The following PPARGC1A variants were observed in gnomAD, a reference collection of about 807,000 sequenced individuals.
The protein encoded by PPARGC1A is peroxisome proliferator-activated receptor gamma coactivator 1-alpha.
In PPARGC1A, 25 loss-of-function variants were observed where a neutral mutation model predicts 88.7. The ratio of observed to expected loss-of-function variants is 0.28; its 90% CI spans 0.21 to 0.39. The LOEUF (loss-of-function observed/expected upper bound fraction) is 0.39, where lower values mean the gene tolerates loss of function less well. Ranked by LOEUF, PPARGC1A falls within the 10% of genes least tolerant of loss-of-function variation. The pLI, the probability that PPARGC1A is intolerant of heterozygous loss-of-function variation, is 1.00. For synonymous variants in PPARGC1A, 363 were observed against 355.6 expected (o/e 1.02, Z -0.24); for missense variants, 880 against 968.7 (o/e 0.91, Z 1.22).
the PPARGC1A span, among the ~76,000 whole-genome samples, chr4:24,326,528 C>G: frequency 6.6e-6 from 1 of 151,196 alleles, no homozygotes; most frequent in Non-Finnish European, 1.5e-5. Context: ...TTGGACTGAC[C>G]CTGACACCCA....
At chr4:24,089,621 G>C in the PPARGC1A span, among the ~76,000 whole-genome samples, 3 of 149,646 alleles carry the variant, frequency 2.0e-5, no homozygotes, top group South Asian at 6.3e-4. Context: ...CGCCATTCTC[G>C]TGTCTCAGCC....
the PPARGC1A span, among the ~76,000 whole-genome samples, chr4:24,441,666 T>G: frequency 1.5e-5 from 2 of 136,672 alleles, no homozygotes; most frequent in South Asian, 2.3e-4. Context: ...AAGAAGGAAA[T>G]AGGGAGGGAG....
chr4:24,388,927 C>T, the PPARGC1A span, among the ~76,000 whole-genome samples: 10 of 152,064 alleles, frequency 6.6e-5, no homozygotes, highest in South Asian at 4.2e-4. Context: ...ATGTAACAAA[C>T]GTGCACGTTC....
upstream of PPARGC1A, among the ~76,000 whole-genome samples, chr4:23,892,181 A>C (rs1334048787): frequency 6.6e-6 from 1 of 152,160 alleles, no homozygotes; most frequent in Non-Finnish European, 1.5e-5. Flanking sequence ...CCCAGATTGT[A>C]TTGTTAGGGT....
At chr4:23,968,846 A>G in the PPARGC1A span, among the ~76,000 whole-genome samples, 2 of 151,872 alleles carry the variant, frequency 1.3e-5, no homozygotes, top group Admixed American at 6.6e-5. Flanking sequence ...CGGGAAGTGG[A>G]GGTTGCAGTG....
At chr4:23,799,683 C>T (rs1718301674) in intron 12 of PPARGC1A, among the ~76,000 whole-genome samples, 1 of 152,138 alleles carries the variant, frequency 6.6e-6, no homozygotes, top group South Asian at 2.1e-4. Flanking sequence ...TCTATTGCTG[C>T]CGGCTAGGCA....
the PPARGC1A span, among the ~76,000 whole-genome samples, chr4:24,239,730 A>T: frequency 1.4e-4 from 21 of 152,190 alleles, no homozygotes; most frequent in African/African-American, 4.8e-4. Context: ...TGGTATGAAA[A>T]ATAAACCACT....
the PPARGC1A span, among the ~76,000 whole-genome samples, chr4:23,954,264 A>G: frequency 4.4e-4 from 67 of 152,232 alleles, no homozygotes; most frequent in South Asian, 1.2e-3. Flanking sequence ...GCAGTTTAGT[A>G]ATGCTAACTG....
the PPARGC1A span, among the ~76,000 whole-genome samples, chr4:24,319,075 G>A: frequency 3.3e-5 from 5 of 152,164 alleles, no homozygotes; most frequent in East Asian, 1.9e-4. Context: ...GGCTGAGTGC[G>A]GTGGCTTACG....
At chr4:23,882,452 A>T (rs1286779946) in intron 2 of PPARGC1A, among the ~76,000 whole-genome samples, 3 of 151,848 alleles carry the variant, frequency 2.0e-5, no homozygotes, top group Non-Finnish European at 4.4e-5. Flanking sequence ...TTGTGGTGGG[A>T]GCTGTCCTGT....
chr4:24,093,997 C>A, the PPARGC1A span, among the ~76,000 whole-genome samples: 3 of 152,080 alleles, frequency 2.0e-5, no homozygotes, highest in African/African-American at 7.3e-5. Context: ...AACCACATGC[C>A]CTTTTTTGTC....
the PPARGC1A span, among the ~76,000 whole-genome samples, chr4:24,015,158 G>A: frequency 6.6e-6 from 1 of 152,044 alleles, no homozygotes; most frequent in Non-Finnish European, 1.5e-5. Context: ...AACAGAAATA[G>A]ATGATATACA....
chr4:24,238,047 T>C, the PPARGC1A span, among the ~76,000 whole-genome samples: 5 of 152,156 alleles, frequency 3.3e-5, no homozygotes, highest in African/African-American at 1.2e-4. Flanking sequence ...GGTAACTTGA[T>C]AAAAGTCACA....
the PPARGC1A span, among the ~76,000 whole-genome samples, chr4:24,321,381 G>A: frequency 6.6e-6 from 1 of 152,120 alleles, no homozygotes; most frequent in African/African-American, 2.4e-5. Flanking sequence ...TAATGATGAA[G>A]CTGGCAGTCT....
the PPARGC1A span, among the ~76,000 whole-genome samples, chr4:24,226,068 A>G: frequency 6.6e-6 from 1 of 152,278 alleles, no homozygotes; most frequent in Non-Finnish European, 1.5e-5. Context: ...TCACATTGTC[A>G]GGTAACCCTC....
At chr4:24,218,184 G>A in the PPARGC1A span, among the ~76,000 whole-genome samples, 1 of 152,148 alleles carries the variant, frequency 6.6e-6, no homozygotes, top group African/African-American at 2.4e-5. Context: ...TTGCTAGGGT[G>A]CAAAGAAACA....
At chr4:23,885,224 T>C (rs1209184853) in intron 1 of PPARGC1A, among the ~76,000 whole-genome samples, 1 of 152,224 alleles carries the variant, frequency 6.6e-6, no homozygotes, top group Non-Finnish European at 1.5e-5. Flanking sequence ...CTAGATATTT[T>C]TGGACCTCTT....
the PPARGC1A span, among the ~76,000 whole-genome samples, chr4:24,057,998 G>A: frequency 2.6e-4 from 40 of 152,326 alleles, no homozygotes; most frequent in Middle Eastern, 0.01. Context: ...ATTGATTGGA[G>A]AGAAGGGAAG....
the PPARGC1A span, among the ~76,000 whole-genome samples, chr4:24,058,420 G>A: frequency 1.3e-5 from 2 of 152,152 alleles, no homozygotes; most frequent in African/African-American, 2.4e-5. Flanking sequence ...GGCAGAGGAC[G>A]CTGGTAACAG....
Sources: allele counts gnomAD v4.1 joint callset (sites outside exome capture counted in the v4.1 genomes callset), GRCh38; gene constraint gnomAD v4.1.1; transcripts MANE v1.5; gene names NCBI Gene and HGNC (gene_info 2026-07-23, HGNC 2026-07-21).